PPP2R2C: variants seen among roughly 807,000 people sequenced by gnomAD.
PPP2R2C encodes protein phosphatase 2, regulatory subunit B, gamma.
PPP2R2C carries 10 observed loss-of-function variants against 45.3 expected under a neutral mutation model. That is an observed-to-expected ratio of 0.22 (90% CI 0.14 to 0.37). PPP2R2C has a LOEUF of 0.37. Ranked by LOEUF, PPP2R2C falls within the 10% of genes least tolerant of loss-of-function variation. PPP2R2C has a pLI of 1.00. For synonymous variants in PPP2R2C, 257 were observed against 245.4 expected, an observed-to-expected ratio of 1.05 and a Z score of -0.44; for missense variants, 308 against 619.7, an observed-to-expected ratio of 0.50 and a Z score of 5.34.
In PPP2R2C at chr4:6,329,279, G is replaced by A; in HGVS notation, c.1035C>T (p.Ala345=). 6.2e-7 allele frequency: 1 copy of A among 1,614,124 alleles called. No homozygotes were observed. The highest frequency in any genetic ancestry group is 8.5e-7 in the Non-Finnish European group (1 of 1,179,952). The change falls in exon 8 of 9, where the codon GCC becomes GCT. Residue 345 remains alanine, a synonymous_variant. Transcript: ENST00000382599. This position sits in a 1 kb window ranked among gnomAD's most constrained non-coding sequence, Gnocchi z 5.8. ...NDCIFDKFEC[A]WNGSDSVIMT... ...GGGCTTACCTGTCGCTCCCGTTCCA[G>A]GCACATTCAAACTTGTCGAAAATGC...
chr4:6,549,970 T>C (rs1051273172), intron 1 of PPP2R2C, among the ~76,000 whole-genome samples: 1 of 152,192 alleles, frequency 6.6e-6, no homozygotes, highest in African/African-American at 2.4e-5. Context: ...GCCCTCACCC[T>C]GTGCCAATAA....
chr4:6,326,740 C>G (rs747216909), intron 8 of PPP2R2C, among the ~76,000 whole-genome samples: 1 of 152,256 alleles, frequency 6.6e-6, no homozygotes, highest in Non-Finnish European at 1.5e-5. Context: ...GGACCAGAGA[C>G]TGAGAGAGTC....
At chr4:6,500,563 A>T (rs9992071) in intron 2 of PPP2R2C, among the ~76,000 whole-genome samples, 1 of 152,124 alleles carries the variant, frequency 6.6e-6, no homozygotes, top group African/African-American at 2.4e-5. Flanking sequence ...GAAGGGGCCC[A>T]TCACAGGGGA....
chr4:6,472,046 G>C, intron 1 of PPP2R2C, 114 bp downstream of exon 1: 1 of 1,284,960 alleles, frequency 7.8e-7, no homozygotes, highest in Non-Finnish European at 1.1e-6. Context: ...GGGGTGGGGT[G>C]GGGCGGGGGG....
intron 1 of PPP2R2C, among the ~76,000 whole-genome samples, chr4:6,446,992 T>C (rs1720456373): frequency 6.6e-6 from 1 of 151,954 alleles, no homozygotes; most frequent in Non-Finnish European, 1.5e-5. Flanking sequence ...GGCAAGGTCT[T>C]GGCAGAGCAA....
chr4:6,517,547 T>G (rs940800300), intron 2 of PPP2R2C, among the ~76,000 whole-genome samples: 8 of 152,176 alleles, frequency 5.3e-5, no homozygotes, highest in African/African-American at 1.9e-4. Flanking sequence ...AATACATATT[T>G]TCCCCATTTT....
chr4:6,331,361 A>G lies in PPP2R2C; in HGVS notation c.961-2008T>C, dbSNP rs1732402715. Among the ~76,000 whole-genome samples the G allele has an allele frequency of 6.6e-6, 1 of 151,864 alleles. No homozygotes were observed. Reference sequence around the variant, plus strand: ...ATGGGATGGGGAGAATACCGGCCCCACCTCCCAGGACAGCTGGGAGGCTTA... The same window carrying G: ...ATGGGATGGGGAGAATACCGGCCCCGCCTCCCAGGACAGCTGGGAGGCTTA... On this transcript the variant is annotated intron_variant, in intron 7 of 8. Coordinates refer to ENST00000382599, the MANE Select transcript of PPP2R2C (RefSeq NM_020416.4). The surrounding 1 kb of genome is among the most constrained non-coding windows in gnomAD (Gnocchi z 5.9).
chr4:6,333,260 G>A (rs1354655107), intron 7 of PPP2R2C, among the ~76,000 whole-genome samples: 1 of 152,184 alleles, frequency 6.6e-6, no homozygotes, highest in African/African-American at 2.4e-5. Context: ...GCTCCACTGG[G>A]GCCCAGCCTG....
intron 1 of PPP2R2C, chr4:6,381,925 CAG>C: frequency 6.4e-7 from 1 of 1,567,996 alleles, no homozygotes. Context: ...CTACGAGTCA[CAG>C]AGATGAGTGG....
chr4:6,509,760 G>C (rs1723366182), intron 2 of PPP2R2C, among the ~76,000 whole-genome samples: 1 of 152,100 alleles, frequency 6.6e-6, no homozygotes, highest in African/African-American at 2.4e-5. Flanking sequence ...CTTCTAGCTG[G>C]GTGGCTTTCA....
chr4:6,347,789 T>C, intron 6 of PPP2R2C, 57 bp downstream of exon 6: 1 of 1,033,610 alleles, frequency 9.7e-7, no homozygotes, highest in Non-Finnish European at 1.4e-6. Flanking sequence ...GGACAGGACA[T>C]CCCACCCGCC....
intron 1 of PPP2R2C, among the ~76,000 whole-genome samples, chr4:6,409,472 C>T (rs1457849635): frequency 1.3e-5 from 2 of 152,174 alleles, no homozygotes; most frequent in East Asian, 3.9e-4. Flanking sequence ...AACCCCACGC[C>T]CCAAATAACA....
chr4:6,493,971 A>G (rs11731255), intron 2 of PPP2R2C, among the ~76,000 whole-genome samples: 69,785 of 152,062 alleles, frequency 0.46, 17,205 homozygotes, highest in East Asian at 0.78. Context: ...TAATCCAAAC[A>G]TGCTCATTTG....
chr4:6,406,631 C>G (rs986663979), intron 1 of PPP2R2C, among the ~76,000 whole-genome samples: 1 of 152,078 alleles, frequency 6.6e-6, no homozygotes, highest in Non-Finnish European at 1.5e-5. Context: ...GTGGCACGCA[C>G]CTGTAATCTC....
chr4:6,397,144 G>A (rs1577145400), intron 1 of PPP2R2C, among the ~76,000 whole-genome samples: 1 of 152,204 alleles, frequency 6.6e-6, no homozygotes, highest in East Asian at 1.9e-4. Context: ...CAGCCACAAG[G>A]GCACCCCTGT....
chr4:6,529,364 C>T (rs1021690672), intron 2 of PPP2R2C, among the ~76,000 whole-genome samples: 4 of 152,260 alleles, frequency 2.6e-5, no homozygotes, highest in Admixed American at 1.3e-4. Flanking sequence ...CCACCTGAGC[C>T]GCCCACCTAA....
At chr4:6,389,834 C>T (rs943129054) in intron 1 of PPP2R2C, among the ~76,000 whole-genome samples, 24 of 152,200 alleles carry the variant, frequency 1.6e-4, no homozygotes, top group African/African-American at 5.3e-4. Context: ...TTGCCAACAG[C>T]CGCTCAGCTA....
chr4:6,362,126 G>A (rs1713810852), intron 5 of PPP2R2C, among the ~76,000 whole-genome samples: 1 of 152,074 alleles, frequency 6.6e-6, no homozygotes, highest in Non-Finnish European at 1.5e-5. Flanking sequence ...AGGCAGAGAG[G>A]GTGAGAGCCA....
chr4:6,530,053 C>T lies in PPP2R2C; in HGVS notation c.49+5218G>A, dbSNP rs192093320. Among the ~76,000 whole-genome samples the T allele has an allele frequency of 1.2e-3, 186 of 152,272 alleles. No individual in the cohort carries two copies. The Middle Eastern group carries it at 0.014, about 11-fold the overall frequency. ...CGTGTGTCTTAGGGACACAGATTCA[C>T]AAACCACAAGGCACCACGCCTGCTT... On this transcript the variant is annotated intron_variant, in intron 2 of 9. Transcript: ENST00000506140.
Sources: allele counts gnomAD v4.1 joint callset (sites outside exome capture counted in the v4.1 genomes callset), GRCh38; gene constraint gnomAD v4.1.1; non-coding constraint Gnocchi (gnomAD v3.1); transcripts MANE v1.5; gene names NCBI Gene and HGNC (gene_info 2026-07-23, HGNC 2026-07-21).